The following TBC1D5 variants were observed in gnomAD, a reference collection of about 807,000 sequenced individuals.
The protein encoded by TBC1D5 is TBC1 domain family, member 5.
TBC1D5 carries 75 observed loss-of-function variants against 100.3 expected under a neutral mutation model. That is an observed-to-expected ratio of 0.75 (90% CI 0.62 to 0.91). The LOEUF (loss-of-function observed/expected upper bound fraction) is 0.91, where lower values mean the gene tolerates loss of function less well. TBC1D5 is among the 40% of genes least tolerant of loss of function. The pLI is 0.00. For missense variants in TBC1D5, 910 were observed against 942.4 expected (o/e 0.97, Z 0.45); for synonymous variants, 323 against 325.6 (o/e 0.99, Z 0.09).
chr3:17,288,478 T>C (rs1575143957), intron 15 of TBC1D5, among the ~76,000 whole-genome samples: 1 of 152,206 alleles, frequency 6.6e-6, no homozygotes, highest in Non-Finnish European at 1.5e-5. Context: ...GCTTTTCTGA[T>C]TGATCCCCAC....
intron 1 of TBC1D5, among the ~76,000 whole-genome samples, chr3:17,672,836 G>T (rs1020816138): frequency 6.6e-6 from 1 of 152,102 alleles, no homozygotes; most frequent in Non-Finnish European, 1.5e-5. Context: ...CAGCTTGTCC[G>T]TGTGCTGAAA....
chr3:17,742,629 G>T (rs970875942), upstream of TBC1D5: 2 of 152,182 alleles, frequency 1.3e-5, no homozygotes, highest in Non-Finnish European at 2.9e-5. Context: ...GGGAGGGGGT[G>T]GCGGCGGTGA....
chr3:17,288,833 T>C (rs543414863), intron 15 of TBC1D5, among the ~76,000 whole-genome samples: 29 of 152,312 alleles, frequency 1.9e-4, no homozygotes, highest in South Asian at 1.5e-3. Flanking sequence ...CACCAAAGGC[T>C]GTAACAACTG....
intron 9 of TBC1D5, among the ~76,000 whole-genome samples, chr3:17,383,166 G>A (rs1402492146): frequency 2.0e-5 from 3 of 151,712 alleles, no homozygotes; most frequent in African/African-American, 7.3e-5. Context: ...ACCATTAAGT[G>A]TTTTCTATTA....
At chr3:17,357,786 T>C (rs2091350149) in intron 13 of TBC1D5, among the ~76,000 whole-genome samples, 1 of 152,248 alleles carries the variant, frequency 6.6e-6, no homozygotes, top group African/African-American at 2.4e-5. Context: ...GCTTTTCTGT[T>C]GCGTTCCATT....
chr3:17,403,210 T>G (rs866109073), exon 8 of TBC1D5: 24 of 1,592,054 alleles, frequency 1.5e-5, no homozygotes, highest in Middle Eastern at 3.3e-4. Flanking sequence ...CAATCATTGA[T>G]CGAAGTTCTT....
chr3:17,451,062 T>C (rs2094914222), intron 3 of TBC1D5, among the ~76,000 whole-genome samples: 1 of 151,952 alleles, frequency 6.6e-6, no homozygotes, highest in Non-Finnish European at 1.5e-5. Flanking sequence ...CAGAATAGAG[T>C]GGGGTCCAAT....
intron 3 of TBC1D5, among the ~76,000 whole-genome samples, chr3:17,456,979 T>A (rs1461359237): frequency 6.6e-6 from 1 of 152,190 alleles, no homozygotes; most frequent in Non-Finnish European, 1.5e-5. Context: ...AGTGGTTTTA[T>A]GGGACTAACA....
intron 1 of TBC1D5, among the ~76,000 whole-genome samples, chr3:17,632,884 ATC>A (rs1226861526): frequency 1.3e-5 from 2 of 152,058 alleles, no homozygotes; most frequent in Non-Finnish European, 2.9e-5. Flanking sequence ...CTTTATTTTG[ATC>A]TTTGCTTTAC....
intron 15 of TBC1D5, among the ~76,000 whole-genome samples, chr3:17,290,928 G>T (rs1161114666): frequency 1.3e-5 from 2 of 152,126 alleles, no homozygotes; most frequent in African/African-American, 4.8e-5. Flanking sequence ...ATCAATCAAA[G>T]AATAAAGGAT....
At chr3:17,172,448 G>C (rs1049816528) in intron 19 of TBC1D5, among the ~76,000 whole-genome samples, 1 of 152,170 alleles carries the variant, frequency 6.6e-6, no homozygotes, top group Non-Finnish European at 1.5e-5. Context: ...CATTTCCAAC[G>C]TAATACACAA....
intron 2 of TBC1D5, among the ~76,000 whole-genome samples, chr3:17,546,555 G>A (rs889443073): frequency 6.6e-6 from 1 of 151,872 alleles, no homozygotes; most frequent in Non-Finnish European, 1.5e-5. Flanking sequence ...CCTGAGCTCA[G>A]GAGTTTGAAA....
intron 8 of TBC1D5, among the ~76,000 whole-genome samples, chr3:17,401,515 C>T (rs941819479): frequency 3.3e-5 from 5 of 151,972 alleles, no homozygotes; most frequent in African/African-American, 7.2e-5. Flanking sequence ...AACTACGTAA[C>T]TAAAATGATG....
At chr3:17,258,398 A>C in intron 16 of TBC1D5, 108 bp downstream of exon 16, 5 of 1,023,654 alleles carry the variant, frequency 4.9e-6, no homozygotes, top group Non-Finnish European at 4.5e-6. Context: ...TTCCTTATGT[A>C]CATATGCTAA....
intron 4 of TBC1D5, among the ~76,000 whole-genome samples, chr3:17,424,779 G>C (rs1047198814): frequency 6.6e-6 from 1 of 151,666 alleles, no homozygotes; most frequent in Non-Finnish European, 1.5e-5. Flanking sequence ...AAACATCCCA[G>C]GTTATTAAGA....
chr3:17,533,359 G>A (rs2096252032), intron 2 of TBC1D5, among the ~76,000 whole-genome samples: 1 of 152,100 alleles, frequency 6.6e-6, no homozygotes, highest in African/African-American at 2.4e-5. Flanking sequence ...TAGTTTGTTT[G>A]CTTGAGGAAC....
intron 3 of TBC1D5, among the ~76,000 whole-genome samples, chr3:17,428,974 A>C (rs775215102): frequency 1.3e-5 from 2 of 151,992 alleles, no homozygotes; most frequent in Non-Finnish European, 2.9e-5. Flanking sequence ...CAGAGGTAAA[A>C]TAAAAAGCCA....
intron 3 of TBC1D5, among the ~76,000 whole-genome samples, chr3:17,450,784 G>A (rs564998680): frequency 2.0e-5 from 3 of 152,210 alleles, no homozygotes; most frequent in Non-Finnish European, 4.4e-5. Context: ...GTGATGGAGA[G>A]AATGGAACCA....
chr3:17,508,372 C>T, intron 3 of TBC1D5, 102 bp downstream of exon 3: 3 of 878,354 alleles, frequency 3.4e-6, no homozygotes, highest in Non-Finnish European at 5.7e-6. Flanking sequence ...CTCACTTCAT[C>T]AAAATGTGTT....
Sources: allele counts gnomAD v4.1 joint callset (sites outside exome capture counted in the v4.1 genomes callset), GRCh38; gene constraint gnomAD v4.1.1; transcripts MANE v1.5; gene names NCBI Gene and HGNC (gene_info 2026-07-23, HGNC 2026-07-21).